The following EIF2S3 variants were observed in gnomAD, a reference collection of about 807,000 sequenced individuals.
EIF2S3 encodes the protein eukaryotic translation initiation factor 2 subunit 3.
A neutral mutation model predicts 31.7 loss-of-function variants in EIF2S3; 2 were observed. The observed-to-expected ratio is 0.06, with a 90% CI of 0.03 to 0.20. The LOEUF (loss-of-function observed/expected upper bound fraction) is 0.20. EIF2S3 is among the 10% of genes least tolerant of loss of function. The pLI is 1.00. For missense variants in EIF2S3, 96 were observed against 359.3 expected (o/e 0.27, Z 5.92); for synonymous variants, 120 against 126.7 (o/e 0.95, Z 0.36).
At chrX:24,059,826 C>A (rs926103840) in intron 4 of EIF2S3, among the ~76,000 whole-genome samples, 1 of 111,784 alleles carries the variant, frequency 8.9e-6, no homozygotes, top group Non-Finnish European at 1.9e-5. Context: ...TACTCTCCAC[C>A]ATTATTCTAT....
chrX:24,068,008 T>C lies in EIF2S3; in HGVS notation c.912T>C (p.Asp304=), dbSNP rs144487129. ...TAAGACCTGGTATTGTTTCCAAAGATAGTGAAGGAAAACTCATGTGTAAAC... is the reference window on the plus strand; with the variant it reads ...TAAGACCTGGTATTGTTTCCAAAGACAGTGAAGGAAAACTCATGTGTAAAC... The part of the protein sequence containing the change: ...IEVRPGIVSK[D]SEGKLMCKPI... Residue 304 remains aspartate (D), a synonymous_variant, in exon 9 of 12, where the codon GAT becomes GAC. Coordinates refer to ENST00000253039, the MANE Select transcript of EIF2S3 (RefSeq NM_001415.4). 9.6e-5 allele frequency: 116 copies of C among 1,203,330 alleles called. 2 individuals are homozygous for C. The highest frequency in any genetic ancestry group is 9.2e-4 in the Middle Eastern group (4 of 4,325).
Position 24,062,099 on chromosome X carries a change from G to A in EIF2S3, c.479-317G>A, listed in dbSNP as rs746482217. Reference sequence around the variant, plus strand: ...ATGCCAACTTTTTTTGGGGCGGGGAGTGGGTGGCAAAAGAGACTCATAAAA... The same window carrying A: ...ATGCCAACTTTTTTTGGGGCGGGGAATGGGTGGCAAAAGAGACTCATAAAA... On this transcript the variant is annotated intron_variant, in intron 5 of 11. Transcript: ENST00000253039. Among the ~76,000 whole-genome samples, 6 of 111,080 alleles carry A rather than the reference G, an allele frequency of 5.4e-5. No individual in the cohort carries two copies. The East Asian group carries it at 1.4e-3, about 26-fold the overall frequency.
Position 24,066,206 on chromosome X carries a change from TAAAA to T in EIF2S3, c.867+115_867+118del, listed in dbSNP as rs1475907451. The T allele has an allele frequency of 1.0e-5, 5 of 499,830 alleles. No homozygotes were observed. In the African/African-American group the frequency reaches 1.3e-4, roughly 13 times the overall value. 41.2% of individuals were successfully genotyped at this position (499,830 alleles called of 1,213,427 possible). A position where few individuals can be genotyped will look rare whatever the true frequency, so the allele number is the denominator to read the frequency against. ...AGTATGGACAATCCAAATTGAAAAA[TAAAA>T]TTTTTTCCATGGTTTCTGGTATTTG... On this transcript the variant is annotated intron_variant, in intron 8 of 11. Coordinates refer to ENST00000253039, the MANE Select transcript of EIF2S3 (RefSeq NM_001415.4).
intron 11 of EIF2S3, among the ~76,000 whole-genome samples, chrX:24,074,766 AT>A (rs924727956): frequency 3.0e-5 from 3 of 100,254 alleles, no homozygotes; most frequent in Non-Finnish European, 6.0e-5. Flanking sequence ...GTCTTCCTTT[AT>A]TTTGATGTGC....
In EIF2S3 at chrX:24,057,711, C is replaced by G; in HGVS notation, c.340C>G (p.Pro114Ala). 8.3e-7 allele frequency: 1 copy of G among 1,211,303 alleles called. No homozygotes were observed. ...SCGSSTPDEFPTDIPGTKGNF... is the reference protein window; with the variant it reads ...SCGSSTPDEFATDIPGTKGNF... ...TGGGAGCAGTACACCTGACGAGTTTCCTACGGACATTCCAGGGACCAAAGG... is the reference window on the plus strand; with the variant it reads ...TGGGAGCAGTACACCTGACGAGTTTGCTACGGACATTCCAGGGACCAAAGG... Residue 114 changes from proline (P) to alanine (A), a missense_variant, in exon 4 of 12, where the codon CCT (proline) becomes GCT (alanine). Transcript: ENST00000253039.
At chrX:24,069,542 C>G (rs1930631153) in intron 9 of EIF2S3, among the ~76,000 whole-genome samples, 1 of 109,243 alleles carries the variant, frequency 9.2e-6, no homozygotes, top group Non-Finnish European at 1.9e-5. Context: ...TGCCATTTCT[C>G]CAATAAAATA....
At chrX:24,074,924 G>A (rs754142857) in intron 11 of EIF2S3, among the ~76,000 whole-genome samples, 1 of 84,928 alleles carries the variant, frequency 1.2e-5, no homozygotes, top group African/African-American at 4.7e-5. Flanking sequence ...GAATGCAGTG[G>A]CATGATCTCA....
rs200342351 is a variant in EIF2S3 at position 24,060,121 on chromosome X, T to C, written c.417T>C (p.Asp139=). 14 of 1,210,153 alleles carry C rather than the reference T, an allele frequency of 1.2e-5. No homozygotes were observed. In the Admixed American group the frequency reaches 2.6e-4, roughly 23 times the overall value. Residue 139 remains aspartate (D), a synonymous_variant, in exon 5 of 12, where the codon GAT becomes GAC. Transcript: ENST00000253039. ...CCTTTGTTGACTGTCCTGGCCACGA[T>C]ATTTTGATGGCTACTATGCTGAACG... ...HVSFVDCPGH[D]ILMATMLNGA... is the part of the protein sequence containing the mutation.
Position 24,078,058 on chromosome X carries a change from C to CTCCG in EIF2S3, c.*1276_*1279dup, listed in dbSNP as rs1289507418. The CTCCG allele has an allele frequency of 9.1e-6, 1 of 109,543 alleles. No individual in the cohort carries two copies. The allele number at this position is 109,543 out of a possible 1,213,427, so 9.0% of individuals were successfully genotyped here. On this transcript the variant is annotated 3_prime_UTR_variant, in exon 12 of 12. Transcript: ENST00000253039. ...TTTTTTTTTTTGAGACGGAGGCTCA[C>CTCCG]TCCGTCACCTAGGCTAGAGTACAGT... is the stretch of plus-strand genomic sequence containing the variant.
intron 5 of EIF2S3, 167 bp downstream of exon 5, chrX:24,060,349 A>C (rs983096570): frequency 3.5e-5 from 15 of 422,722 alleles, no homozygotes; most frequent in Non-Finnish European, 6.2e-5. Context: ...AGCTATCACA[A>C]AATACTCAAA....
At chrX:24,058,218 A>G (rs972797635) in intron 4 of EIF2S3, among the ~76,000 whole-genome samples, 3 of 111,885 alleles carry the variant, frequency 2.7e-5, no homozygotes, top group African/African-American at 9.7e-5. Context: ...CCTACAAGGA[A>G]TGTTTAGATT....
chrX:24,070,555 G>A (rs1194101638), intron 9 of EIF2S3, among the ~76,000 whole-genome samples: 2 of 99,835 alleles, frequency 2.0e-5, no homozygotes, highest in East Asian at 3.3e-4. Context: ...ATTCTCCTGC[G>A]TTAGCCTCTC....
At chrX:24,061,192 G>T (rs1359603778) in intron 5 of EIF2S3, among the ~76,000 whole-genome samples, 1 of 105,802 alleles carries the variant, frequency 9.5e-6, no homozygotes, top group Non-Finnish European at 1.9e-5. Flanking sequence ...AGGAGACAGA[G>T]GTTGCAGTGA....
chrX:24,057,177 T>A (rs1279823614), intron 2 of EIF2S3, among the ~76,000 whole-genome samples: 1 of 111,989 alleles, frequency 8.9e-6, no homozygotes, highest in Non-Finnish European at 1.9e-5. Context: ...ACTACAGGCA[T>A]GCGCCACCAC....
In EIF2S3 at chrX:24,066,202, AAAAT is replaced by A. The variant is rs201572760; in HGVS notation, c.867+114_867+117del. Reference sequence around the variant, plus strand: ...AAAAAGTATGGACAATCCAAATTGAAAAATAAAATTTTTTCCATGGTTTCTGGTA... The same window carrying A: ...AAAAAGTATGGACAATCCAAATTGAAAAAATTTTTTCCATGGTTTCTGGTA... On this transcript the variant is annotated intron_variant, in intron 8 of 11. Coordinates refer to ENST00000253039, the MANE Select transcript of EIF2S3 (RefSeq NM_001415.4). The A allele has an allele frequency of 2.7e-3, 1,422 of 521,283 alleles. 13 individuals carry two copies. The African/African-American group carries it at 0.03, about 11-fold the overall frequency. 43.0% of individuals were successfully genotyped at this position (521,283 alleles called of 1,213,427 possible).
chrX:24,056,287 A>G (rs1215758859), intron 2 of EIF2S3, among the ~76,000 whole-genome samples: 3 of 112,015 alleles, frequency 2.7e-5, no homozygotes, highest in Admixed American at 9.5e-5. Context: ...TATTAATGCA[A>G]ACAAAGCCCA....
intron 6 of EIF2S3, among the ~76,000 whole-genome samples, chrX:24,063,157 C>A (rs60085421): frequency 0.019 from 2,101 of 112,021 alleles, 51 homozygotes; most frequent in African/African-American, 0.065. Flanking sequence ...GCAGGAGAAT[C>A]GCTTGAACTT....
chrX:24,068,207 G>T, intron 9 of EIF2S3, 99 bp downstream of exon 9: 1 of 860,825 alleles, frequency 1.2e-6, no homozygotes, highest in Non-Finnish European at 1.6e-6. Context: ...ATTTTTAATT[G>T]GGTATTTTAA....
intron 7 of EIF2S3, among the ~76,000 whole-genome samples, chrX:24,065,072 GCTC>G (rs749322262): frequency 1.9e-4 from 21 of 111,668 alleles, no homozygotes; most frequent in Admixed American, 1.8e-3. Flanking sequence ...AGACATTTGA[GCTC>G]CTCTGGCTTT....
Sources: allele counts gnomAD v4.1 joint callset (sites outside exome capture counted in the v4.1 genomes callset), GRCh38; gene constraint gnomAD v4.1.1; transcripts MANE v1.5; gene names NCBI Gene and HGNC (gene_info 2026-07-23, HGNC 2026-07-21).